Variants in MRPL13 observed in about 807,000 individuals in gnomAD.
MRPL13 encodes the protein mitochondrial ribosomal protein L13.
A neutral mutation model predicts 29.0 loss-of-function variants in MRPL13; 33 were observed. The ratio of observed to expected loss-of-function variants is 1.14; its 90% CI spans 0.86 to 1.52. The LOEUF is 1.52. Ranked by LOEUF, MRPL13 falls within the 40% of genes most tolerant of loss-of-function variation. MRPL13 has a pLI of 0.00. For missense variants in MRPL13, 227 were observed against 216.7 expected, an observed-to-expected ratio of 1.05 and a Z score of -0.30; for synonymous variants, 77 against 68.4, an observed-to-expected ratio of 1.13 and a Z score of -0.62.
intron 6 of MRPL13, among the ~76,000 whole-genome samples, chr8:120,408,120 A>G (rs1356607328): frequency 1.3e-5 from 2 of 152,228 alleles, no homozygotes; most frequent in Non-Finnish European, 2.9e-5. Flanking sequence ...GATCCGAAAA[A>G]GCTCAACATA....
intron 6 of MRPL13, among the ~76,000 whole-genome samples, chr8:120,406,367 A>C (rs1361938675): frequency 6.6e-6 from 1 of 152,156 alleles, no homozygotes; most frequent in African/African-American, 2.4e-5. Context: ...CCAAAACATG[A>C]ATTTATCACA....
chr8:120,398,983 A>C (rs1812555967), intron 6 of MRPL13, among the ~76,000 whole-genome samples: 1 of 152,030 alleles, frequency 6.6e-6, no homozygotes, highest in African/African-American at 2.4e-5. Context: ...CAAAACCTCC[A>C]AGAAATATGG....
intron 3 of MRPL13, among the ~76,000 whole-genome samples, chr8:120,427,139 AAAAC>A (rs1305853076): frequency 6.6e-6 from 1 of 152,196 alleles, no homozygotes; most frequent in Non-Finnish European, 1.5e-5. Flanking sequence ...TTAAAAGTAA[AAAAC>A]AAAAGTGGAT....
At chr8:120,396,998 G>A (rs1399498071) in intron 6 of MRPL13, among the ~76,000 whole-genome samples, 2 of 152,174 alleles carry the variant, frequency 1.3e-5, no homozygotes, top group Non-Finnish European at 2.9e-5. Context: ...CGGACAACTC[G>A]ACCCATGGAG....
chr8:120,416,817 A>G (rs1377256698), intron 5 of MRPL13, among the ~76,000 whole-genome samples: 1 of 152,216 alleles, frequency 6.6e-6, no homozygotes, highest in Non-Finnish European at 1.5e-5. Flanking sequence ...ATATTTCAGC[A>G]TGTATCTCCT....
chr8:120,414,045 C>G lies in MRPL13; in HGVS notation c.461G>C (p.Arg154Pro). 1.2e-6 allele frequency: 2 copies of G among 1,602,388 alleles called. No homozygotes were observed. The highest frequency in any genetic ancestry group is 2.3e-5 in the South Asian group (2 of 87,898). ...ELPQPRKIPK[R>P]LDEYTQEEID... ...TTCTTCTTGTGTGTACTCATCTAGA[C>G]GTTTAGGTATTTTTCGTGGTTGAGG... Residue 154 changes from arginine (R) to proline (P), a missense_variant, in exon 6 of 7, where the codon CGT becomes CCT. By Grantham distance (103) the Arg-to-Pro change is moderately radical. Coordinates refer to ENST00000306185, the MANE Select transcript of MRPL13 (RefSeq NM_014078.6).
rs189899290 is a variant in MRPL13 at position 120,405,272 on chromosome 8, T to G, written c.515+8719A>C. On this transcript the variant is annotated intron_variant, in intron 6 of 6. Coordinates refer to ENST00000306185, the MANE Select transcript of MRPL13 (RefSeq NM_014078.6). ...TCTCAAACAGAAATGAAAACAAGCA[T>G]ACACACAACTTTTCTGTATTGCTTA... is the stretch of plus-strand genomic sequence containing the variant. Among the ~76,000 whole-genome samples, 215 of 152,334 alleles carry G rather than the reference T, an allele frequency of 1.4e-3. 1 individual carries two copies. Among genetic ancestry groups the G allele is most frequent in the Non-Finnish European group, 2.8e-4 (19 of 68,030 alleles).
At chr8:120,433,094 G>A (rs1362302482) in intron 2 of MRPL13, among the ~76,000 whole-genome samples, 1 of 152,058 alleles carries the variant, frequency 6.6e-6, no homozygotes, top group Admixed American at 6.6e-5. Flanking sequence ...ATGCAAGTGG[G>A]TTTTCATCAC....
At chr8:120,398,924 CACACACACACAA>C (rs1411041049) in intron 6 of MRPL13, among the ~76,000 whole-genome samples, 2 of 151,782 alleles carry the variant, frequency 1.3e-5, no homozygotes, top group Admixed American at 1.3e-4. Flanking sequence ...CAATAATACA[CACACACACACAA>C]ACACACACAC....
intron 6 of MRPL13, among the ~76,000 whole-genome samples, chr8:120,400,172 C>G (rs564211343): frequency 6.6e-6 from 1 of 152,308 alleles, no homozygotes; most frequent in South Asian, 2.1e-4. Flanking sequence ...CCCAAAACAA[C>G]AGAACATACA....
At chr8:120,442,655 A>C (rs1010189023) in intron 2 of MRPL13, among the ~76,000 whole-genome samples, 1 of 152,182 alleles carries the variant, frequency 6.6e-6, no homozygotes, top group Non-Finnish European at 1.5e-5. Context: ...TCTATCAAAA[A>C]CTATCTGTAA....
intron 6 of MRPL13, among the ~76,000 whole-genome samples, chr8:120,399,911 T>A (rs1334578550): frequency 6.6e-6 from 1 of 152,126 alleles, no homozygotes; most frequent in Non-Finnish European, 1.5e-5. Context: ...TGCATAATGG[T>A]AAAGGGTTCA....
intron 6 of MRPL13, among the ~76,000 whole-genome samples, chr8:120,411,994 A>G (rs1265198458): frequency 6.6e-6 from 1 of 152,206 alleles, no homozygotes; most frequent in African/African-American, 2.4e-5. Context: ...GTGAATTATT[A>G]TATTAGTGTG....
intron 6 of MRPL13, among the ~76,000 whole-genome samples, chr8:120,399,745 C>T (rs1429385451): frequency 6.6e-6 from 1 of 151,964 alleles, no homozygotes; most frequent in South Asian, 2.1e-4. Flanking sequence ...CTTCAAGGGA[C>T]CCATCTCATG....
At chr8:120,426,044 T>C (rs1192367005) in intron 3 of MRPL13, among the ~76,000 whole-genome samples, 1 of 152,148 alleles carries the variant, frequency 6.6e-6, no homozygotes, top group Non-Finnish European at 1.5e-5. Context: ...GCAACTCATT[T>C]TACCTCTCTG....
At chr8:120,442,750 T>A (rs1215228785) in intron 2 of MRPL13, among the ~76,000 whole-genome samples, 1 of 152,186 alleles carries the variant, frequency 6.6e-6, no homozygotes, top group Non-Finnish European at 1.5e-5. Flanking sequence ...GTCTTATTAG[T>A]GAAAATAAGC....
chr8:120,399,256 T>G (rs904428449), intron 6 of MRPL13, among the ~76,000 whole-genome samples: 2 of 152,068 alleles, frequency 1.3e-5, no homozygotes, highest in African/African-American at 4.8e-5. Context: ...AAAGGCCAGG[T>G]CACCTACGAA....
chr8:120,418,308 G>A (rs1369918397), intron 5 of MRPL13, among the ~76,000 whole-genome samples: 1 of 151,742 alleles, frequency 6.6e-6, no homozygotes, highest in Non-Finnish European at 1.5e-5. Context: ...TTTTCTTATT[G>A]TACCATTATT....
At chr8:120,441,486 A>G (rs1813123293) in intron 2 of MRPL13, among the ~76,000 whole-genome samples, 1 of 152,172 alleles carries the variant, frequency 6.6e-6, no homozygotes, top group Non-Finnish European at 1.5e-5. Context: ...AAGGGAGAAG[A>G]AACAGGGAAA....
Sources: gnomAD v4.1 joint callset for allele counts (sites outside exome capture counted in the v4.1 genomes callset) on GRCh38, gnomAD v4.1.1 for gene constraint, MANE v1.5 for transcripts, NCBI Gene and HGNC (gene_info 2026-07-23, HGNC 2026-07-21) for gene names.